Variants in PRAG1 observed in about 807,000 individuals in gnomAD.
PRAG1 encodes the protein inactive tyrosine-protein kinase PRAG1.
Under a neutral mutation model 95.6 loss-of-function variants are expected in PRAG1, and 110 were observed. The observed-to-expected ratio is 1.15, with a 90% CI of 0.99 to 1.35. The LOEUF (loss-of-function observed/expected upper bound fraction) is 1.35. Ranked by LOEUF, PRAG1 falls within the 40% of genes most tolerant of loss-of-function variation. The pLI is 0.00. For synonymous variants in PRAG1, 1,052 were observed against 819.4 expected, an observed-to-expected ratio of 1.28 and a Z score of -4.85; for missense variants, 2,554 against 1,864.7, an observed-to-expected ratio of 1.37 and a Z score of -6.81.
chr8:8,328,129 C>G lies in PRAG1; in HGVS notation c.2653G>C (p.Ala885Pro), dbSNP rs371954058. Reference protein sequence around the residue: ...VFSSSDPLEKAFKGSGHWLPA... With the variant: ...VFSSSDPLEKPFKGSGHWLPA... ...AGCCAGTGGCCACTGCCTTTGAAAGCTTTCTCCAGAGGATCGGAAGAGGAG... is the reference window on the plus strand; with the variant it reads ...AGCCAGTGGCCACTGCCTTTGAAAGGTTTCTCCAGAGGATCGGAAGAGGAG... Residue 885 changes from alanine to proline, a missense_variant, in exon 5 of 6, where the codon GCT (alanine) becomes CCT (proline). Ala to Pro is a conservative substitution (Grantham distance 27, BLOSUM62 -1). Coordinates refer to ENST00000615670, the MANE Select transcript of PRAG1 (RefSeq NM_001080826.3). The G allele has an allele frequency of 3.1e-6, 5 of 1,613,994 alleles. No homozygotes were observed. In the African/African-American group the frequency reaches 4.0e-5, roughly 13 times the overall value.
chr8:8,329,251 G>C (rs983917436), intron 4 of PRAG1, among the ~76,000 whole-genome samples: 2 of 152,022 alleles, frequency 1.3e-5, no homozygotes, highest in Non-Finnish European at 2.9e-5. Flanking sequence ...AAATTAGCTG[G>C]GGGTGGTGGT....
chr8:8,360,124 G>C (rs949156933), intron 3 of PRAG1, among the ~76,000 whole-genome samples: 5 of 152,070 alleles, frequency 3.3e-5, no homozygotes, highest in African/African-American at 1.2e-4. Flanking sequence ...AGGGCTCTTG[G>C]TGGGACTCGA....
intron 4 of PRAG1, among the ~76,000 whole-genome samples, chr8:8,333,259 G>A (rs142984001): frequency 0.017 from 2,590 of 152,340 alleles, 34 homozygotes; most frequent in Non-Finnish European, 0.025. Flanking sequence ...AATTGGGCCA[G>A]AGGGCTCCAA....
chr8:8,322,477 A>T (rs969060218), intron 5 of PRAG1, among the ~76,000 whole-genome samples: 4 of 152,034 alleles, frequency 2.6e-5, no homozygotes, highest in Admixed American at 6.6e-5. Context: ...CCAAAAATAA[A>T]ATTCTAAGGC....
At chr8:8,339,001 C>T (rs916548584) in intron 4 of PRAG1, among the ~76,000 whole-genome samples, 2 of 152,080 alleles carry the variant, frequency 1.3e-5, no homozygotes, top group African/African-American at 4.8e-5. Context: ...AGATGGTGGC[C>T]TAATGTAGTC....
At chr8:8,379,384 C>T (rs1245390941) in intron 2 of PRAG1, among the ~76,000 whole-genome samples, 2 of 152,140 alleles carry the variant, frequency 1.3e-5, no homozygotes, top group Admixed American at 1.3e-4. Context: ...TTAGAAGCAG[C>T]CTCAAAGCAG....
At chr8:8,386,247 T>G (rs1800846941) in intron 1 of PRAG1, 74 bp downstream of exon 1, 1 of 151,970 alleles carries the variant, frequency 6.6e-6, no homozygotes, top group African/African-American at 2.4e-5. Context: ...GCAGCGCCCC[T>G]CCAAAGCTCC....
chr8:8,319,277 G>A lies in PRAG1; in HGVS notation c.3098C>T (p.Thr1033Ile), dbSNP rs759223641. 1 of 1,520,324 alleles carries A rather than the reference G, an allele frequency of 6.6e-7. No homozygotes were observed. Among genetic ancestry groups the A allele is most frequent in the Admixed American group, 2.1e-5 (1 of 48,634 alleles). The allele number at this position is 1,520,324 out of a possible 1,614,324, so 94.2% of individuals were successfully genotyped here. The part of the protein sequence containing the change: ...VKICKAPEPK[T>I]VSYCSPSVPV... ...CACGGACGGGCTGCAGTAGGAGACT[G>A]TTTTGGGCTCAGGGGCTTTGCAGAT... The change falls in exon 6 of 6, where the codon ACA becomes ATA. Residue 1033 changes from threonine to isoleucine, a missense_variant. Transcript: ENST00000615670.
At chr8:8,375,820 C>T (rs1035443322) in intron 3 of PRAG1, among the ~76,000 whole-genome samples, 2 of 152,146 alleles carry the variant, frequency 1.3e-5, no homozygotes, top group Non-Finnish European at 2.9e-5. Context: ...CCATCATACC[C>T]AGCCCTCCCT....
chr8:8,385,094 C>T (rs1057088193), intron 1 of PRAG1, among the ~76,000 whole-genome samples: 1 of 152,186 alleles, frequency 6.6e-6, no homozygotes, highest in Non-Finnish European at 1.5e-5. Flanking sequence ...TCAGAAGTTG[C>T]TTATGCCTTA....
At chr8:8,326,904 G>C (rs1467021810) in intron 5 of PRAG1, among the ~76,000 whole-genome samples, 1 of 152,194 alleles carries the variant, frequency 6.6e-6, no homozygotes, top group African/African-American at 2.4e-5. Context: ...TAAGAGTCTA[G>C]TTGTAGAGTG....
At chr8:8,328,549 T>A in intron 4 of PRAG1, 88 bp from the exon 5 acceptor site, 1 of 1,385,068 alleles carries the variant, frequency 7.2e-7, no homozygotes, top group Non-Finnish European at 9.7e-7. Context: ...TATTTATTTA[T>A]TTATTTGGTC....
chr8:8,386,134 C>T (rs1022683342), intron 1 of PRAG1, among the ~76,000 whole-genome samples, 187 bp downstream of exon 1: 1 of 152,074 alleles, frequency 6.6e-6, no homozygotes, highest in Non-Finnish European at 1.5e-5. Context: ...CCCGGCCGGG[C>T]GCCTCCCTGC....
chr8:8,378,058 A>G lies in PRAG1; in HGVS notation c.351T>C (p.Pro117=), dbSNP rs753618643. Residue 117 remains proline, a synonymous_variant, in exon 3 of 6, where the codon CCT becomes CCC. Transcript: ENST00000615670. ...CCTGCTTCGGGAGGGGGAGCTTGCC[A>G]GGGGCTCGTCTCCAGATGACCTACA... ...EVSQVIWRRA[P]GKLPLPKQED... 6.5e-7 allele frequency: 1 copy of G among 1,543,628 alleles called. No individual in the cohort carries two copies. Among genetic ancestry groups the G allele is most frequent in the Non-Finnish European group, 8.7e-7 (1 of 1,146,168 alleles).
At chr8:8,367,098 G>C (rs1487275062) in intron 3 of PRAG1, among the ~76,000 whole-genome samples, 5 of 152,106 alleles carry the variant, frequency 3.3e-5, no homozygotes, top group Admixed American at 1.3e-4. Flanking sequence ...ATGATGGCCA[G>C]CATTCCTGAT....
intron 3 of PRAG1, among the ~76,000 whole-genome samples, chr8:8,345,376 AAAAAAAG>A (rs1799305764): frequency 6.6e-6 from 1 of 151,654 alleles, no homozygotes; most frequent in African/African-American, 2.4e-5. Context: ...ACAAAAAAAA[AAAAAAAG>A]AAAGAAAGAA....
intron 3 of PRAG1, among the ~76,000 whole-genome samples, chr8:8,370,193 T>C (rs555712947): frequency 4.6e-5 from 7 of 152,362 alleles, no homozygotes; most frequent in Admixed American, 4.6e-4. Context: ...AGGAATCAAT[T>C]TCAATGGTCC....
chr8:8,324,294 G>A (rs529715568), intron 5 of PRAG1, among the ~76,000 whole-genome samples: 3 of 152,348 alleles, frequency 2.0e-5, no homozygotes, highest in Admixed American at 6.5e-5. Context: ...TTGAGGCCTG[G>A]AGCTCCAGTC....
intron 1 of PRAG1, among the ~76,000 whole-genome samples, chr8:8,384,304 C>G (rs946754462): frequency 2.0e-5 from 3 of 151,928 alleles, no homozygotes; most frequent in Admixed American, 6.6e-5. Context: ...TTTGCACAGC[C>G]CTGTGCAAAG....
Sources: gnomAD v4.1 joint callset for allele counts (sites outside exome capture counted in the v4.1 genomes callset) on GRCh38, gnomAD v4.1.1 for gene constraint, MANE v1.5 for transcripts, NCBI Gene and HGNC (gene_info 2026-07-23, HGNC 2026-07-21) for gene names.